The following SSBP3 variants were observed in gnomAD, a reference collection of about 807,000 sequenced individuals.
SSBP3 encodes the protein single-stranded DNA-binding protein 3.
Under a neutral mutation model 69.6 loss-of-function variants are expected in SSBP3, and 5 were observed. The observed-to-expected ratio is 0.07, with a 90% confidence interval of 0.04 to 0.15. The LOEUF is 0.15. Ranked by LOEUF, SSBP3 falls within the 10% of genes least tolerant of loss-of-function variation. The probability of loss-of-function intolerance (pLI) is 1.00; values close to 1 mark genes in which losing one functional copy is unlikely to be tolerated. For synonymous variants in SSBP3, 196 were observed against 193.4 expected (o/e 1.01, Z -0.11); for missense variants, 312 against 534.0 (o/e 0.58, Z 4.10).
At chr1:54,308,450 A>G (rs1645938821) in intron 4 of SSBP3, among the ~76,000 whole-genome samples, 1 of 152,086 alleles carries the variant, frequency 6.6e-6, no homozygotes, top group African/African-American at 2.4e-5. Context: ...AAATACAAAA[A>G]ATTAGCCAGG....
At chr1:54,351,932 G>A (rs979014173) in intron 4 of SSBP3, among the ~76,000 whole-genome samples, 4 of 152,152 alleles carry the variant, frequency 2.6e-5, no homozygotes, top group East Asian at 3.9e-4. Flanking sequence ...AGCTCCTGGT[G>A]AGCTAAAGAG....
chr1:54,256,494 C>T (rs1557467015), intron 7 of SSBP3, among the ~76,000 whole-genome samples: 1 of 152,078 alleles, frequency 6.6e-6, no homozygotes, highest in South Asian at 2.1e-4. Context: ...CCCTAATGGG[C>T]CAGCGTAAGG....
At chr1:54,277,972 G>T (rs1645321360) in intron 5 of SSBP3, among the ~76,000 whole-genome samples, 1 of 152,142 alleles carries the variant, frequency 6.6e-6, no homozygotes, top group South Asian at 2.1e-4. Flanking sequence ...AAATCCATCT[G>T]GATCCAAAGC....
At chr1:54,365,374 T>A (rs1647013146) in intron 4 of SSBP3, among the ~76,000 whole-genome samples, 1 of 152,130 alleles carries the variant, frequency 6.6e-6, no homozygotes, top group Admixed American at 6.5e-5. Context: ...GTTGGAAGGC[T>A]AGTGGTTAAG....
chr1:54,341,410 A>C (rs550758504), intron 4 of SSBP3, among the ~76,000 whole-genome samples: 1 of 152,134 alleles, frequency 6.6e-6, no homozygotes, highest in Non-Finnish European at 1.5e-5. Flanking sequence ...ACCTTAAAAA[A>C]TTACAGTGAT....
intron 4 of SSBP3, among the ~76,000 whole-genome samples, chr1:54,298,355 C>A (rs918335408): frequency 6.6e-6 from 1 of 152,140 alleles, no homozygotes; most frequent in Non-Finnish European, 1.5e-5. Flanking sequence ...GACGAGGGGG[C>A]AGCAGGAAGG....
At chr1:54,236,555 G>A (rs1214438990) in intron 14 of SSBP3, 4 of 152,196 alleles carry the variant, frequency 2.6e-5, no homozygotes, top group African/African-American at 4.8e-5. Flanking sequence ...GGTTACAGGC[G>A]TAAGCCAACG....
chr1:54,229,416 G>T (rs543807965), intron 14 of SSBP3, among the ~76,000 whole-genome samples: 2 of 152,142 alleles, frequency 1.3e-5, no homozygotes, highest in African/African-American at 4.8e-5. Context: ...GGGGCTGGGC[G>T]GTGAGAAGAG....
intron 4 of SSBP3, among the ~76,000 whole-genome samples, chr1:54,391,053 G>A (rs1648454871): frequency 6.6e-6 from 1 of 152,252 alleles, no homozygotes; most frequent in Admixed American, 6.5e-5. Context: ...GGATGGCACA[G>A]ACACAGACAC....
At chr1:54,236,236 C>G (rs779789652) in intron 14 of SSBP3, among the ~76,000 whole-genome samples, 5 of 152,140 alleles carry the variant, frequency 3.3e-5, no homozygotes, top group Non-Finnish European at 5.9e-5. Flanking sequence ...CTGCCTCAGC[C>G]TCCCGAGTGG....
At chr1:54,350,357 C>T (rs1299493337) in intron 4 of SSBP3, among the ~76,000 whole-genome samples, 1 of 152,212 alleles carries the variant, frequency 6.6e-6, no homozygotes, top group Non-Finnish European at 1.5e-5. Flanking sequence ...AGCGCTGTTA[C>T]TAGGAACTCT....
At chr1:54,369,312 T>TG (rs60597425) in intron 4 of SSBP3, among the ~76,000 whole-genome samples, 2,231 of 42,910 alleles carry the variant, frequency 0.052, 73 homozygotes, top group African/African-American at 0.17. Context: ...GGGACGGGGG[T>TG]GGGGGGGCAC....
intron 4 of SSBP3, among the ~76,000 whole-genome samples, chr1:54,366,685 T>C (rs1238411719): frequency 6.6e-6 from 1 of 152,236 alleles, no homozygotes; most frequent in Non-Finnish European, 1.5e-5. Flanking sequence ...TCTTATTTTA[T>C]ATACCTCTAT....
At chr1:54,296,047 G>A (rs571466774) in intron 4 of SSBP3, among the ~76,000 whole-genome samples, 3 of 152,324 alleles carry the variant, frequency 2.0e-5, no homozygotes, top group African/African-American at 7.2e-5. Context: ...TCAAATGATT[G>A]GAGACTGCAA....
chr1:54,361,081 C>A (rs1646945030), intron 4 of SSBP3, among the ~76,000 whole-genome samples: 1 of 151,960 alleles, frequency 6.6e-6, no homozygotes, highest in African/African-American at 2.4e-5. Context: ...CAAAATGAGA[C>A]CCTGTCTCAA....
At chr1:54,343,242 T>C (rs2100535369) in intron 4 of SSBP3, among the ~76,000 whole-genome samples, 1 of 152,316 alleles carries the variant, frequency 6.6e-6, no homozygotes, top group South Asian at 2.1e-4. Context: ...TGTCAGGTGT[T>C]TGGCATGTGT....
At chr1:54,327,272 A>AAGGAAG (rs1465818972) in intron 4 of SSBP3, among the ~76,000 whole-genome samples, 2 of 114,474 alleles carry the variant, frequency 1.7e-5, no homozygotes, top group African/African-American at 3.5e-5. Context: ...AAGGAAGGAA[A>AAGGAAG]ACAACAACAA....
At chr1:54,323,622 AG>A (rs1646252581) in intron 4 of SSBP3, among the ~76,000 whole-genome samples, 1 of 152,152 alleles carries the variant, frequency 6.6e-6, no homozygotes, top group South Asian at 2.1e-4. Context: ...GAAGGCCAGC[AG>A]ATGTGTGGGT....
At chr1:54,259,654 C>G (rs1296496249) in intron 5 of SSBP3, among the ~76,000 whole-genome samples, 1 of 152,262 alleles carries the variant, frequency 6.6e-6, no homozygotes, top group Non-Finnish European at 1.5e-5. Context: ...CCTTCTCCTG[C>G]AGAGCCAGGC....
Sources: allele counts gnomAD v4.1 joint callset (sites outside exome capture counted in the v4.1 genomes callset), GRCh38; gene constraint gnomAD v4.1.1; transcripts MANE v1.5; gene names NCBI Gene and HGNC (gene_info 2026-07-23, HGNC 2026-07-21).